The following CSMD1 variants were observed in gnomAD, a reference collection of about 807,000 sequenced individuals.
CSMD1 encodes CUB and sushi domain-containing protein 1.
A neutral mutation model predicts 417.5 loss-of-function variants in CSMD1; 213 were observed. The ratio of observed to expected loss-of-function variants is 0.51; its 90% CI spans 0.46 to 0.57. CSMD1 has a LOEUF of 0.57. CSMD1 is among the 20% of genes least tolerant of loss of function. CSMD1 has a pLI of 0.00. For synonymous variants in CSMD1, 2,862 were observed against 1,736.8 expected (o/e 1.65, Z -16.11); for missense variants, 6,923 against 4,529.7 (o/e 1.53, Z -15.17).
intron 5 of CSMD1, among the ~76,000 whole-genome samples, chr8:3,861,854 C>T (rs1804732063): frequency 6.6e-6 from 1 of 152,166 alleles, no homozygotes; most frequent in South Asian, 2.1e-4. Flanking sequence ...TTTTAAATGT[C>T]TAATGGAGCC....
At chr8:3,237,793 AGT>A (rs1799247947) in intron 26 of CSMD1, among the ~76,000 whole-genome samples, 1 of 110,672 alleles carries the variant, frequency 9.0e-6, no homozygotes, top group African/African-American at 3.5e-5. Flanking sequence ...TTATACTACA[AGT>A]ATAATTTTTA....
intron 1 of CSMD1, among the ~76,000 whole-genome samples, chr8:4,807,258 C>T (rs1798643960): frequency 6.6e-6 from 1 of 152,168 alleles, no homozygotes; most frequent in African/African-American, 2.4e-5. Flanking sequence ...GAAAGCAAAC[C>T]TTATTTCCCA....
intron 4 of CSMD1, among the ~76,000 whole-genome samples, chr8:4,020,078 T>C (rs989175114): frequency 3.3e-5 from 5 of 152,196 alleles, no homozygotes; most frequent in Non-Finnish European, 7.3e-5. Context: ...GAGACAGTAA[T>C]TATAGCAGCT....
intron 5 of CSMD1, among the ~76,000 whole-genome samples, chr8:3,858,630 A>T (rs1413029149): frequency 6.6e-6 from 1 of 151,938 alleles, no homozygotes. Flanking sequence ...TTAAAACATT[A>T]CCTTTTTCTA....
chr8:4,613,121 A>G (rs561681823), intron 2 of CSMD1, among the ~76,000 whole-genome samples: 2 of 152,330 alleles, frequency 1.3e-5, no homozygotes, highest in African/African-American at 4.8e-5. Flanking sequence ...ACACAGGTAC[A>G]CAATTCTAAA....
intron 3 of CSMD1, among the ~76,000 whole-genome samples, chr8:4,180,433 G>T (rs937224894): frequency 7.9e-6 from 1 of 127,102 alleles, no homozygotes; most frequent in African/African-American, 3.0e-5. Context: ...GCTGTGGGGT[G>T]GGGGGAGGGG....
intron 1 of CSMD1, among the ~76,000 whole-genome samples, chr8:4,638,783 G>C (rs140621409): frequency 6.6e-6 from 1 of 152,200 alleles, no homozygotes; most frequent in African/African-American, 2.4e-5. Context: ...AATGGGAAAT[G>C]ATGAGGGCTG....
intron 5 of CSMD1, among the ~76,000 whole-genome samples, chr8:3,864,260 G>C (rs1039560443): frequency 6.6e-6 from 1 of 152,158 alleles, no homozygotes; most frequent in Admixed American, 6.5e-5. Flanking sequence ...TTAAACTCCT[G>C]TGGGAATCAT....
chr8:4,925,838 C>T (rs1016608241), intron 1 of CSMD1, among the ~76,000 whole-genome samples: 6 of 152,146 alleles, frequency 3.9e-5, no homozygotes, highest in African/African-American at 7.2e-5. Flanking sequence ...TGAGCCCTCG[C>T]GCCTGGCCTC....
chr8:4,558,930 T>C (rs546367339), intron 2 of CSMD1, among the ~76,000 whole-genome samples: 30 of 12,558 alleles, frequency 2.4e-3, no homozygotes, highest in Admixed American at 8.3e-3. Flanking sequence ...CAACTGATCA[T>C]GTTTTTTTTT....
chr8:3,991,212 T>G (rs921991879), intron 5 of CSMD1, among the ~76,000 whole-genome samples: 1 of 152,194 alleles, frequency 6.6e-6, no homozygotes, highest in Non-Finnish European at 1.5e-5. Flanking sequence ...ATAAGGCATG[T>G]GAAAGAAAGC....
rs1377802948 is a variant in CSMD1 at position 3,142,380 on chromosome 8, A to G, written c.6241+85T>C. ...ATTCCACTCGTACAAGCTTGGAACC[A>G]GTTAGGGAGATTTATACTTAAATAC... On this transcript the variant is annotated intron_variant, in intron 41 of 69. Transcript: ENST00000635120. 2.5e-6 allele frequency: 3 copies of G among 1,178,532 alleles called. No individual in the cohort carries two copies. In the African/African-American group the frequency reaches 4.6e-5, roughly 18 times the overall value. The allele number at this position is 1,178,532 out of a possible 1,614,324, so 73.0% of individuals were successfully genotyped here. A position where few individuals can be genotyped will look rare whatever the true frequency, so the allele number is the denominator to read the frequency against.
At chr8:4,712,718 C>G (rs1309278438) in intron 1 of CSMD1, among the ~76,000 whole-genome samples, 1 of 152,174 alleles carries the variant, frequency 6.6e-6, no homozygotes, top group Non-Finnish European at 1.5e-5. Flanking sequence ...TTTTCTCTCT[C>G]TCTTTTTTCA....
chr8:2,996,446 G>A (rs1176608426), intron 54 of CSMD1, among the ~76,000 whole-genome samples: 1 of 152,158 alleles, frequency 6.6e-6, no homozygotes, highest in East Asian at 1.9e-4. Context: ...GAAGCATATT[G>A]CTAATGCACG....
intron 3 of CSMD1, among the ~76,000 whole-genome samples, chr8:4,272,923 T>C (rs1331182541): frequency 6.6e-6 from 1 of 152,162 alleles, no homozygotes; most frequent in Non-Finnish European, 1.5e-5. Context: ...AAATAAGAAG[T>C]ATTTTGTAAG....
chr8:4,186,301 T>G (rs61500485), intron 3 of CSMD1, among the ~76,000 whole-genome samples: 26,041 of 151,982 alleles, frequency 0.17, 2,418 homozygotes, highest in East Asian at 0.28. Context: ...TGTTCAAGGT[T>G]GGGGGCAGTC....
In CSMD1 at chr8:4,772,192, C is replaced by T. The variant is rs147650274; in HGVS notation, c.86-134634G>A. On this transcript the variant is annotated intron_variant, in intron 1 of 69. Coordinates refer to ENST00000635120, the MANE Select transcript of CSMD1 (RefSeq NM_033225.6). ...GTCCTGTTTTCTTGCTGGCTGATGTCCACGCATCATTCTCTGCTTCCAGCA... is the reference window on the plus strand; with the variant it reads ...GTCCTGTTTTCTTGCTGGCTGATGTTCACGCATCATTCTCTGCTTCCAGCA... 1.6e-3 allele frequency among the ~76,000 whole-genome samples: 242 copies of T among 152,266 alleles called. 2 individuals carry two copies. The highest frequency in any genetic ancestry group is 2.7e-3 in the Non-Finnish European group (181 of 68,022).
At chr8:4,551,733 G>C (rs1233167844) in intron 2 of CSMD1, among the ~76,000 whole-genome samples, 1 of 152,052 alleles carries the variant, frequency 6.6e-6, no homozygotes, top group Non-Finnish European at 1.5e-5. Context: ...AGTCCAGGCT[G>C]GAGTCCAGTG....
At chr8:3,944,204 A>C (rs575000015) in intron 5 of CSMD1, among the ~76,000 whole-genome samples, 1 of 152,184 alleles carries the variant, frequency 6.6e-6, no homozygotes, top group Non-Finnish European at 1.5e-5. Context: ...GTTTGAAAAT[A>C]AAAAGTTAAG....
Sources: gnomAD v4.1 joint callset for allele counts (sites outside exome capture counted in the v4.1 genomes callset) on GRCh38, gnomAD v4.1.1 for gene constraint, MANE v1.5 for transcripts, NCBI Gene and HGNC (gene_info 2026-07-23, HGNC 2026-07-21) for gene names.